The following LRRC47 variants were observed in gnomAD, a reference collection of about 807,000 sequenced individuals.
LRRC47 encodes the protein leucine rich repeat containing 47, also known as leucine-rich repeat-containing protein 47.
A neutral mutation model predicts 40.9 loss-of-function variants in LRRC47; 31 were observed. That is an observed-to-expected ratio of 0.76 (90% CI 0.57 to 1.02). The LOEUF (loss-of-function observed/expected upper bound fraction) is 1.02. Among genes scored for constraint, LRRC47 ranks in the 50% least tolerant of loss-of-function variants. The probability of loss-of-function intolerance (pLI) is 0.00; values close to 1 mark genes in which losing one functional copy is unlikely to be tolerated. For synonymous variants in LRRC47, 427 were observed against 371.9 expected, an observed-to-expected ratio of 1.15 and a Z score of -1.70; for missense variants, 726 against 796.1, an observed-to-expected ratio of 0.91 and a Z score of 1.06.
Position 3,796,348 on chromosome 1 carries a change from C to G in LRRC47, c.129G>C (p.Pro43=), listed in dbSNP as rs113612840. 2 of 1,509,514 alleles carry G rather than the reference C, an allele frequency of 1.3e-6. No homozygotes were observed. Among genetic ancestry groups the G allele is most frequent in the Admixed American group, 2.1e-5 (1 of 48,762 alleles). 93.5% of individuals were successfully genotyped at this position (1,509,514 alleles called of 1,614,324 possible). A position where few individuals can be genotyped will look rare whatever the true frequency, so the allele number is the denominator to read the frequency against. ...GCAGCGGCAGGGTGAAAAGCCGCGG[C>G]GGCAGCTGCCCACCCGCCGCCCGCA... is the stretch of plus-strand genomic sequence containing the variant. The part of the protein sequence containing the change: ...ERVRAAGGQL[P]PRLFTLPLLH... The change falls in exon 1 of 7, where the codon CCG becomes CCC. Residue 43 remains proline, a synonymous_variant. Transcript: ENST00000378251.
At chr1:3,790,372 GGGAGT>G (rs1381765999) in intron 1 of LRRC47, among the ~76,000 whole-genome samples, 3 of 152,242 alleles carry the variant, frequency 2.0e-5, no homozygotes, top group Admixed American at 6.5e-5. Flanking sequence ...GCCTTGGGAG[GGGAGT>G]GGCCCAGGGC....
Position 3,780,807 on chromosome 1 carries a change from C to T in LRRC47, c.*281G>A, listed in dbSNP as rs1643510850. 3 of 400,286 alleles carry T rather than the reference C, an allele frequency of 7.5e-6. No homozygotes were observed. Among genetic ancestry groups the T allele is most frequent in the Non-Finnish European group, 1.4e-5 (3 of 219,240 alleles). 24.8% of individuals were successfully genotyped at this position (400,286 alleles called of 1,614,324 possible). On this transcript the variant is annotated 3_prime_UTR_variant, in exon 7 of 7. Transcript: ENST00000378251. ...CCTGGTCAAAATGGTGAAACCCCGT[C>T]TCTACTAAAAATACAAAAATTAGCT...
chr1:3,791,917 C>A (rs978033667), intron 1 of LRRC47, among the ~76,000 whole-genome samples: 1 of 150,780 alleles, frequency 6.6e-6, no homozygotes, highest in Non-Finnish European at 1.5e-5. Flanking sequence ...CCACACCCAG[C>A]TAATTTTTGT....
chr1:3,788,852 T>C (rs7547679), intron 1 of LRRC47, among the ~76,000 whole-genome samples: 101,414 of 152,000 alleles, frequency 0.67, 35,267 homozygotes, highest in African/African-American at 0.88. Context: ...GCGTGCCCTC[T>C]GGGAGAGAAT....
intron 1 of LRRC47, among the ~76,000 whole-genome samples, chr1:3,790,169 C>T (rs1643613722): frequency 6.6e-6 from 1 of 152,228 alleles, no homozygotes; most frequent in Non-Finnish European, 1.5e-5. Flanking sequence ...ATGGCTTTTG[C>T]AGGGGACCTG....
chr1:3,790,184 C>T (rs905338574), intron 1 of LRRC47, among the ~76,000 whole-genome samples: 5 of 152,228 alleles, frequency 3.3e-5, no homozygotes, highest in African/African-American at 7.2e-5. Context: ...GACCTGCTGC[C>T]GGGGAAGGAT....
rs1355380361 is a variant in LRRC47 at position 3,796,265 on chromosome 1, G to A, written c.212C>T (p.Ala71Val). ...GSLRAPGPGL[A>V]QGLPQLHSLV... ...GCTGTGCAGCTGCGGCAGGCCCTGC[G>A]CCAGGCCAGGCCCCGGCGCGCGCAA... Residue 71 changes from alanine to valine, a missense_variant, in exon 1 of 7, where the codon GCG becomes GTG. By Grantham distance (64) the Ala-to-Val change is moderately conservative. Transcript: ENST00000378251. The A allele has an allele frequency of 1.4e-6, 2 of 1,469,704 alleles. No homozygotes were observed. Among genetic ancestry groups the A allele is most frequent in the African/African-American group, 1.5e-5 (1 of 67,868 alleles). 91.0% of individuals were successfully genotyped at this position (1,469,704 alleles called of 1,614,324 possible). A position where few individuals can be genotyped will look rare whatever the true frequency, so the allele number is the denominator to read the frequency against.
At chr1:3,782,114 C>G (rs1643526065) in intron 5 of LRRC47, among the ~76,000 whole-genome samples, 1 of 152,200 alleles carries the variant, frequency 6.6e-6, no homozygotes, top group Non-Finnish European at 1.5e-5. Context: ...TCTGAGAAGC[C>G]AGGGGGCCCT....
chr1:3,796,170 C>T lies in LRRC47; in HGVS notation c.307G>A (p.Val103Met), dbSNP rs935221254. The T allele has an allele frequency of 8.3e-6, 12 of 1,442,718 alleles. No individual in the cohort carries two copies. The highest frequency in any genetic ancestry group is 8.3e-5 in the Admixed American group (3 of 36,314). 89.4% of individuals were successfully genotyped at this position (1,442,718 alleles called of 1,614,324 possible). The change falls in exon 1 of 7, where the codon GTG (valine) becomes ATG (methionine). Residue 103 changes from valine to methionine, a missense_variant. Coordinates refer to ENST00000378251, the MANE Select transcript of LRRC47 (RefSeq NM_020710.3). ...PELGPLPALR[V>M]LDLSGNALEA... ...AGCGCGTTGCCCGACAGGTCGAGCA[C>T]CCGAAGGGCAGGCAGCGGCCCGAGC... is the stretch of plus-strand genomic sequence containing the variant.
In LRRC47 at chr1:3,795,965, T is replaced by G; in HGVS notation, c.512A>C (p.Glu171Ala). The change falls in exon 1 of 7, where the codon GAG becomes GCG. Residue 171 changes from glutamate (E) to alanine (A), a missense_variant. Coordinates refer to ENST00000378251, the MANE Select transcript of LRRC47 (RefSeq NM_020710.3). ...TGNCLDSFPA[E>A]LFRPGALPLL... The stretch of plus-strand genomic sequence containing the variant: ...GGGCAGCGCGCCGGGGCGAAAGAGC[T>G]CGGCGGGAAAGGAGTCTAGGCAATT... The G allele has an allele frequency of 6.3e-7, 1 of 1,589,082 alleles. No homozygotes were observed. The highest frequency in any genetic ancestry group is 1.7e-4 in the Middle Eastern group (1 of 6,038).
At position 3,786,770 on chromosome 1, in the gene LRRC47, G is replaced by A. The variant is rs7549076; in HGVS notation, c.1077+79C>T. ...ACTCCACTGCTGCTCCTTCGGACAC[G>A]CTGGCCTCAGGATGTGTCCCAGCTT... is the stretch of plus-strand genomic sequence containing the variant. On this transcript the variant is annotated intron_variant, in intron 2 of 6. Coordinates refer to ENST00000378251, the MANE Select transcript of LRRC47 (RefSeq NM_020710.3). The A allele has an allele frequency of 0.034, 45,891 of 1,342,836 alleles. 1,085 individuals carry two copies. The highest frequency in any genetic ancestry group is 0.11 in the Middle Eastern group (415 of 3,806). 83.2% of individuals were successfully genotyped at this position (1,342,836 alleles called of 1,614,324 possible).
rs748284209 is a variant in LRRC47 at position 3,781,331 on chromosome 1, C to A, written c.1509G>T (p.Met503Ile). 40 of 1,611,172 alleles carry A rather than the reference C, an allele frequency of 2.5e-5. No individual in the cohort carries two copies. The Middle Eastern group carries it at 4.9e-4, about 20-fold the overall frequency. ...CTAAAGTGTACTTTTTCATTTCTGC[C>A]ATTTTCTGCAAATAAAAAATACCTT... ...KDVMDALILK[M>I]AEMKKYTLEN... is the part of the protein sequence containing the mutation. The change falls in exon 7 of 7, where the codon ATG (methionine) becomes ATT (isoleucine). Residue 503 changes from methionine to isoleucine, a missense_variant. By Grantham distance (10) the Met-to-Ile change is conservative. Coordinates refer to ENST00000378251, the MANE Select transcript of LRRC47 (RefSeq NM_020710.3).
At chr1:3,781,759 TG>T (rs1643522771) in intron 5 of LRRC47, among the ~76,000 whole-genome samples, 158 bp from the exon 6 acceptor site, 1 of 152,094 alleles carries the variant, frequency 6.6e-6, no homozygotes, top group Non-Finnish European at 1.5e-5. Context: ...GTGGGAGGAT[TG>T]CTTGAGCTCA....
intron 1 of LRRC47, among the ~76,000 whole-genome samples, chr1:3,788,242 C>G (rs1043197002): frequency 5.3e-5 from 8 of 152,254 alleles, no homozygotes; most frequent in African/African-American, 1.9e-4. Flanking sequence ...GGCCCCACAG[C>G]CTTGCCTGGG....
In LRRC47 at chr1:3,796,349, G is replaced by T; in HGVS notation, c.128C>A (p.Pro43Gln). The change falls in exon 1 of 7, where the codon CCG (proline) becomes CAG (glutamine). Residue 43 changes from proline to glutamine, a missense_variant. By Grantham distance (76) the Pro-to-Gln change is moderately conservative. Transcript: ENST00000378251. The part of the protein sequence containing the change: ...ERVRAAGGQL[P>Q]PRLFTLPLLH... Reference sequence around the variant, plus strand: ...CAGCGGCAGGGTGAAAAGCCGCGGCGGCAGCTGCCCACCCGCCGCCCGCAC... The same window carrying T: ...CAGCGGCAGGGTGAAAAGCCGCGGCTGCAGCTGCCCACCCGCCGCCCGCAC... 6.6e-7 allele frequency: 1 copy of T among 1,509,388 alleles called. No individual in the cohort carries two copies. Among genetic ancestry groups the T allele is most frequent in the Non-Finnish European group, 8.8e-7 (1 of 1,136,732 alleles). The allele number at this position is 1,509,388 out of a possible 1,614,324, so 93.5% of individuals were successfully genotyped here. A position where few individuals can be genotyped will look rare whatever the true frequency, so the allele number is the denominator to read the frequency against.
chr1:3,781,043 C>T lies in LRRC47; in HGVS notation c.*45G>A. On this transcript the variant is annotated 3_prime_UTR_variant, in exon 7 of 7. Coordinates refer to ENST00000378251, the MANE Select transcript of LRRC47 (RefSeq NM_020710.3). Reference sequence around the variant, plus strand: ...ATAATTCAGCATTGCCGCATAGAAACCTCCGCAAAACCGGCCAAACAAACG... The same window carrying T: ...ATAATTCAGCATTGCCGCATAGAAATCTCCGCAAAACCGGCCAAACAAACG... The T allele has an allele frequency of 6.3e-7, 1 of 1,589,446 alleles. No individual in the cohort carries two copies. The highest frequency in any genetic ancestry group is 2.3e-5 in the East Asian group (1 of 44,380).
chr1:3,796,347 G>C lies in LRRC47; in HGVS notation c.130C>G (p.Pro44Ala). Reference sequence around the variant, plus strand: ...AGCAGCGGCAGGGTGAAAAGCCGCGGCGGCAGCTGCCCACCCGCCGCCCGC... The same window carrying C: ...AGCAGCGGCAGGGTGAAAAGCCGCGCCGGCAGCTGCCCACCCGCCGCCCGC... ...RVRAAGGQLP[P>A]RLFTLPLLHY... is the part of the protein sequence containing the mutation. The change falls in exon 1 of 7, where the codon CCG becomes GCG. Residue 44 changes from proline (P) to alanine (A), a missense_variant. Transcript: ENST00000378251. The C allele has an allele frequency of 6.6e-7, 1 of 1,509,640 alleles. No individual in the cohort carries two copies. The highest frequency in any genetic ancestry group is 2.3e-4 in the Middle Eastern group (1 of 4,284). The allele number at this position is 1,509,640 out of a possible 1,614,324, so 93.5% of individuals were successfully genotyped here.
chr1:3,784,681 C>T (rs1182651347), intron 3 of LRRC47, among the ~76,000 whole-genome samples: 2 of 152,366 alleles, frequency 1.3e-5, no homozygotes, highest in African/African-American at 4.8e-5. Context: ...TTTGCAAGAA[C>T]AGCATCGGAT....
intron 1 of LRRC47, among the ~76,000 whole-genome samples, chr1:3,793,105 C>G (rs1385229487): frequency 1.3e-5 from 2 of 151,988 alleles, no homozygotes; most frequent in East Asian, 3.9e-4. Context: ...CATCTTTGGC[C>G]TTCCAACTAC....
Sources: gnomAD v4.1 joint callset for allele counts (sites outside exome capture counted in the v4.1 genomes callset) on GRCh38, gnomAD v4.1.1 for gene constraint, MANE v1.5 for transcripts, NCBI Gene and HGNC (gene_info 2026-07-23, HGNC 2026-07-21) for gene names.